The following ECI1 variants were observed in gnomAD, a reference collection of about 807,000 sequenced individuals.
The protein encoded by ECI1 is enoyl-CoA delta isomerase 1.
A neutral mutation model predicts 34.2 loss-of-function variants in ECI1; 34 were observed. The observed-to-expected ratio is 1.00, with a 90% CI of 0.76 to 1.33. The LOEUF is 1.33. Ranked by LOEUF, ECI1 falls within the 40% of genes most tolerant of loss-of-function variation. ECI1 has a pLI of 0.00. For synonymous variants in ECI1, 211 were observed against 193.0 expected (o/e 1.09, Z -0.77); for missense variants, 456 against 422.2 (o/e 1.08, Z -0.70).
chr16:2,246,764 G>A, intron 3 of ECI1, 95 bp downstream of exon 3: 1 of 1,588,730 alleles, frequency 6.3e-7, no homozygotes, highest in Middle Eastern at 2.3e-4. Flanking sequence ...CACGTTGGCA[G>A]GCTCTGCCTC....
intron 2 of ECI1, among the ~76,000 whole-genome samples, chr16:2,247,384 C>T (rs187039217): frequency 7.7e-4 from 116 of 150,912 alleles, no homozygotes; most frequent in Non-Finnish European, 1.3e-3. Flanking sequence ...CGTGAGCCCC[C>T]GCGCCTGGTC....
chr16:2,249,115 G>A (rs930115143), intron 2 of ECI1, among the ~76,000 whole-genome samples: 2 of 151,816 alleles, frequency 1.3e-5, no homozygotes, highest in East Asian at 3.9e-4. Context: ...GCGCGATCTC[G>A]GCTTACTGCA....
intron 3 of ECI1, among the ~76,000 whole-genome samples, chr16:2,246,563 C>T (rs1054402310): frequency 1.5e-4 from 23 of 152,260 alleles, no homozygotes; most frequent in African/African-American, 5.3e-4. Flanking sequence ...CCGGGAAGGG[C>T]GTCTCTTGGG....
intron 6 of ECI1, among the ~76,000 whole-genome samples, chr16:2,241,348 C>T (rs564811322): frequency 2.6e-5 from 4 of 151,844 alleles, no homozygotes; most frequent in African/African-American, 9.7e-5. Flanking sequence ...CTGGCTGGAG[C>T]GCAGTAGCAT....
chr16:2,249,876 CAAAAAAA>C (rs869259386), intron 2 of ECI1, among the ~76,000 whole-genome samples: 9 of 20,346 alleles, frequency 4.4e-4, no homozygotes, highest in African/African-American at 1.3e-3. Flanking sequence ...GACTCCGTCT[CAAAAAAA>C]AAAAAAAAAA....
At position 2,246,909 on chromosome 16, in the gene ECI1, G is replaced by A. The variant is rs140831866; in HGVS notation, c.244C>T (p.Leu82=). ...CTCTTGTCATTCTCCAGCTTCTCCAGGCTGATGACCAGCTCCGTCAGAAAC... is the reference window on the plus strand; with the variant it reads ...CTCTTGTCATTCTCCAGCTTCTCCAAGCTGATGACCAGCTCCGTCAGAAAC... ...LEFLTELVIS[L]EKLENDKSFR... The change falls in exon 3 of 7, where the codon CTG becomes TTG. Residue 82 remains leucine (L), a synonymous_variant. Transcript: ENST00000301729. 1 of 1,613,836 alleles carries A rather than the reference G, an allele frequency of 6.2e-7. No homozygotes were observed. The highest frequency in any genetic ancestry group is 8.5e-7 in the Non-Finnish European group (1 of 1,180,024).
At chr16:2,244,639 G>A (rs1399655970) in intron 3 of ECI1, 87 bp from the exon 4 acceptor site, 4 of 1,426,928 alleles carry the variant, frequency 2.8e-6, no homozygotes, top group South Asian at 2.5e-5. Context: ...CCAGGTGCAC[G>A]ACGCACAGCA....
rs762434427 is a variant in ECI1, at chr16:2,243,389, G to A, written c.492C>T (p.Arg164=). The change falls in exon 5 of 7, where the codon CGC becomes CGT. Residue 164 remains arginine, a synonymous_variant. Transcript: ENST00000301729. ...AGTACCTGGGGTTGTCCGCCAGGAT[G>A]CGGTAGTCACAGGTCAGGGCCACCA... ...GCLVALTCDY[R]ILADNPRYCI... 6 of 1,613,614 alleles carry A rather than the reference G, an allele frequency of 3.7e-6. No homozygotes were observed. Among genetic ancestry groups the A allele is most frequent in the Admixed American group, 1.7e-5 (1 of 60,034 alleles).
chr16:2,251,343 C>T lies in ECI1; in HGVS notation c.139G>A (p.Val47Met). 1.6e-6 allele frequency: 2 copies of T among 1,248,598 alleles called. No individual in the cohort carries two copies. The highest frequency in any genetic ancestry group is 1.0e-6 in the Non-Finnish European group (1 of 994,254). 77.3% of individuals were successfully genotyped at this position (1,248,598 alleles called of 1,614,324 possible). ...GCGCCCGCGTCCGGCTCCACCAGCA[C>T]CCGCTGGCTCCCGAAGCGCCGCGCG... ...DGARRFGSQR[V>M]LVEPDAGAGV... The change falls in exon 2 of 7, where the codon GTG becomes ATG. Residue 47 changes from valine to methionine, a missense_variant. Val to Met is a conservative substitution (Grantham distance 21, BLOSUM62 1). Transcript: ENST00000301729.
At chr16:2,247,010 A>G (rs1361826700) in intron 2 of ECI1, 24 bp from the exon 3 acceptor site, 2 of 1,610,824 alleles carry the variant, frequency 1.2e-6, no homozygotes, top group Admixed American at 3.3e-5. Context: ...TGAGAAGAGA[A>G]AGCTCACACC....
intron 4 of ECI1, among the ~76,000 whole-genome samples, chr16:2,243,683 G>A (rs528271455): frequency 1.3e-5 from 2 of 152,154 alleles, no homozygotes; most frequent in Admixed American, 1.3e-4. Context: ...TTAGTTCTTC[G>A]GCAACAGATA....
intron 2 of ECI1, among the ~76,000 whole-genome samples, chr16:2,248,870 A>T (rs1268329947): frequency 6.6e-6 from 1 of 151,886 alleles, no homozygotes; most frequent in African/African-American, 2.4e-5. Context: ...TCCCACCCCT[A>T]GCCCCTGGAA....
intron 6 of ECI1, among the ~76,000 whole-genome samples, chr16:2,242,254 A>G (rs997565528): frequency 5.3e-5 from 8 of 152,068 alleles, no homozygotes; most frequent in African/African-American, 1.9e-4. Context: ...CAGCCTCCCA[A>G]AGTGCTGAGA....
Position 2,251,360 on chromosome 16 carries a change from C to G in ECI1, c.122G>C (p.Arg41Pro), listed in dbSNP as rs1207951661. The change falls in exon 2 of 7, where the codon CGC becomes CCC. Residue 41 changes from arginine to proline, a missense_variant. Arg to Pro is a moderately radical substitution (Grantham distance 103). Coordinates refer to ENST00000301729, the MANE Select transcript of ECI1 (RefSeq NM_001919.4). ...CACCAGCACCCGCTGGCTCCCGAAG[C>G]GCCGCGCGCCGTCTCCGCCGCCGGC... Reference protein sequence around the residue: ...RAAGGGDGARRFGSQRVLVEP... With the variant: ...RAAGGGDGARPFGSQRVLVEP... The G allele has an allele frequency of 2.4e-6, 3 of 1,244,786 alleles. No individual in the cohort carries two copies. Among genetic ancestry groups the G allele is most frequent in the Non-Finnish European group, 1.0e-6 (1 of 995,326 alleles). The allele number at this position is 1,244,786 out of a possible 1,614,324, so 77.1% of individuals were successfully genotyped here. A position where few individuals can be genotyped will look rare whatever the true frequency, so the allele number is the denominator to read the frequency against.
chr16:2,240,243 G>T, intron 6 of ECI1, 98 bp from the exon 7 acceptor site: 1 of 1,357,534 alleles, frequency 7.4e-7, no homozygotes, highest in Non-Finnish European at 1.0e-6. Context: ...ACGGAGTCTT[G>T]CTCTGTCGCC....
intron 4 of ECI1, 40 bp from the exon 5 acceptor site, chr16:2,243,479 G>A (rs770382307): frequency 3.1e-6 from 5 of 1,605,436 alleles, no homozygotes; most frequent in Non-Finnish European, 4.2e-6. Context: ...GGTGCTGCTG[G>A]TCCCAACCAC....
chr16:2,240,265 G>C, intron 6 of ECI1, 120 bp from the exon 7 acceptor site: 1 of 1,109,204 alleles, frequency 9.0e-7, no homozygotes, highest in Admixed American at 2.1e-5. Flanking sequence ...AGGCTGGAGT[G>C]CAATGGTGGG....
In ECI1 at chr16:2,247,109, T is replaced by A. The variant is rs1347644419; in HGVS notation, c.167-123A>T. 4 of 1,254,892 alleles carry A rather than the reference T, an allele frequency of 3.2e-6. No homozygotes were observed. In the East Asian group the frequency reaches 1.0e-4, roughly 32 times the overall value. The allele number at this position is 1,254,892 out of a possible 1,614,324, so 77.7% of individuals were successfully genotyped here. On this transcript the variant is annotated intron_variant, in intron 2 of 6. Coordinates refer to ENST00000301729, the MANE Select transcript of ECI1 (RefSeq NM_001919.4). ...TGGGGGTTTTATTTATTAATTTATT[T>A]ATTTAGAGACAGAGTCTCGCTCTGT...
At chr16:2,248,787 C>T (rs1210282666) in intron 2 of ECI1, among the ~76,000 whole-genome samples, 2 of 152,174 alleles carry the variant, frequency 1.3e-5, no homozygotes, top group Non-Finnish European at 2.9e-5. Context: ...GTGCAACTAT[C>T]GCCGCTGCCT....
Sources: allele counts gnomAD v4.1 joint callset (sites outside exome capture counted in the v4.1 genomes callset), GRCh38; gene constraint gnomAD v4.1.1; transcripts MANE v1.5; gene names NCBI Gene and HGNC (gene_info 2026-07-23, HGNC 2026-07-21).